The following PPP1R9A variants were observed in gnomAD, a reference collection of about 807,000 sequenced individuals.
PPP1R9A encodes protein phosphatase 1 regulatory subunit 9A.
Under a neutral mutation model 141.9 loss-of-function variants are expected in PPP1R9A, and 59 were observed. The observed-to-expected ratio is 0.42, with a 90% confidence interval of 0.34 to 0.52. The LOEUF is 0.52. PPP1R9A is among the 20% of genes least tolerant of loss of function. The pLI is 0.10. For missense variants in PPP1R9A, 1,444 were observed against 1,611.9 expected (o/e 0.90, Z 1.78); for synonymous variants, 500 against 569.7 (o/e 0.88, Z 1.74).
intron 8 of PPP1R9A, among the ~76,000 whole-genome samples, chr7:95,236,453 C>T (rs948739817): frequency 2.6e-5 from 4 of 151,752 alleles, no homozygotes; most frequent in Middle Eastern, 6.8e-3. Context: ...TTCAGGGGGA[C>T]GATTTTGGTA....
chr7:95,065,112 C>G (rs766382337), intron 2 of PPP1R9A, among the ~76,000 whole-genome samples: 5 of 152,102 alleles, frequency 3.3e-5, no homozygotes, highest in Non-Finnish European at 5.9e-5. Flanking sequence ...GTCACTGAGG[C>G]TAGAGTGCAG....
chr7:95,128,607 G>A (rs1181539499), intron 4 of PPP1R9A, among the ~76,000 whole-genome samples: 7 of 151,920 alleles, frequency 4.6e-5, no homozygotes, highest in Admixed American at 1.3e-4. Flanking sequence ...ATGGAGTTTC[G>A]CTTTTGTTGC....
intron 12 of PPP1R9A, among the ~76,000 whole-genome samples, chr7:95,261,818 A>G (rs556312886): frequency 6.6e-6 from 1 of 152,328 alleles, no homozygotes; most frequent in South Asian, 2.1e-4. Flanking sequence ...AGTCTTTGCA[A>G]GTACTTAAAA....
intron 2 of PPP1R9A, among the ~76,000 whole-genome samples, chr7:95,006,878 G>C (rs1361116054): frequency 7.7e-6 from 1 of 129,562 alleles, no homozygotes; most frequent in East Asian, 2.2e-4. Flanking sequence ...TTTTTTTTTT[G>C]AGAGACGGAG....
chr7:95,045,463 T>A (rs1809873494), intron 2 of PPP1R9A, among the ~76,000 whole-genome samples: 1 of 152,172 alleles, frequency 6.6e-6, no homozygotes, highest in South Asian at 2.1e-4. Context: ...GCATGCGCAG[T>A]GTGTTTAAGA....
intron 2 of PPP1R9A, among the ~76,000 whole-genome samples, chr7:95,029,449 C>T (rs1200148795): frequency 6.6e-6 from 1 of 152,096 alleles, no homozygotes; most frequent in Non-Finnish European, 1.5e-5. Flanking sequence ...ATAATTGATT[C>T]CAGGCAATAG....
chr7:95,043,756 G>C (rs763692508), intron 2 of PPP1R9A, among the ~76,000 whole-genome samples: 1 of 152,154 alleles, frequency 6.6e-6, no homozygotes, highest in African/African-American at 2.4e-5. Flanking sequence ...ACCGGGCCCA[G>C]ATAGTCACTA....
At chr7:95,179,249 A>C (rs1322872577) in intron 5 of PPP1R9A, among the ~76,000 whole-genome samples, 1 of 152,204 alleles carries the variant, frequency 6.6e-6, no homozygotes, top group Non-Finnish European at 1.5e-5. Context: ...GATACACTAC[A>C]TAAACAGAAT....
chr7:95,295,628 A>G lies in PPP1R9A; in HGVS notation c.*5325A>G, dbSNP rs1385081146. The G allele has an allele frequency of 6.6e-6, 1 of 152,220 alleles. No homozygotes were observed. Among genetic ancestry groups the G allele is most frequent in the East Asian group, 1.9e-4 (1 of 5,194 alleles). 9.4% of individuals were successfully genotyped at this position (152,220 alleles called of 1,614,324 possible). On this transcript the variant is annotated 3_prime_UTR_variant, in exon 20 of 20. Transcript: ENST00000433360. The stretch of plus-strand genomic sequence containing the variant: ...TTTGGTTGTTGCCAAAAACAACACA[A>G]GTGGTTGGGAGTGTATGTTGTTGGA...
At chr7:95,151,524 G>C (rs974833024) in intron 4 of PPP1R9A, among the ~76,000 whole-genome samples, 2 of 152,074 alleles carry the variant, frequency 1.3e-5, no homozygotes, top group African/African-American at 4.8e-5. Context: ...AAACCATTCT[G>C]TATGATACTA....
At chr7:95,228,396 C>A (rs1795443373) in intron 8 of PPP1R9A, among the ~76,000 whole-genome samples, 1 of 152,052 alleles carries the variant, frequency 6.6e-6, no homozygotes, top group Non-Finnish European at 1.5e-5. Flanking sequence ...AGACATGTAC[C>A]CAATTTAATG....
At chr7:95,188,630 A>G (rs1033167475) in intron 5 of PPP1R9A, among the ~76,000 whole-genome samples, 3 of 138,288 alleles carry the variant, frequency 2.2e-5, no homozygotes, top group Non-Finnish European at 4.6e-5. Context: ...ACAGAATCTC[A>G]CTCTGTTGCC....
intron 8 of PPP1R9A, among the ~76,000 whole-genome samples, chr7:95,245,951 A>C (rs1426322384): frequency 1.3e-5 from 2 of 152,178 alleles, no homozygotes; most frequent in African/African-American, 4.8e-5. Context: ...AAGCAGTGTG[A>C]GTGCGGCAGA....
chr7:95,040,538 G>A (rs546697669), intron 2 of PPP1R9A, among the ~76,000 whole-genome samples: 2 of 152,136 alleles, frequency 1.3e-5, no homozygotes, highest in African/African-American at 2.4e-5. Context: ...ATGTACTCCT[G>A]TTGCCCACAG....
chr7:95,173,519 T>A (rs1173905448), intron 5 of PPP1R9A, among the ~76,000 whole-genome samples: 1 of 151,858 alleles, frequency 6.6e-6, no homozygotes, highest in Non-Finnish European at 1.5e-5. Flanking sequence ...ATAAACTGCG[T>A]CAAAATTTAA....
rs950844749 is a variant in PPP1R9A, at chr7:95,118,837, C to T, written c.1529-1875C>T. ...AAAAAAAAAAAAACACAAAAAATTACCCAGATGTGGTGGCACATGGCTATA... is the reference window on the plus strand; with the variant it reads ...AAAAAAAAAAAAACACAAAAAATTATCCAGATGTGGTGGCACATGGCTATA... On this transcript the variant is annotated intron_variant, in intron 3 of 19. Transcript: ENST00000433360. 4.0e-5 allele frequency among the ~76,000 whole-genome samples: 6 copies of T among 149,634 alleles called. No individual in the cohort carries two copies. In the East Asian group the frequency reaches 1.2e-3, roughly 29 times the overall value.
At chr7:95,001,660 A>G (rs1025607236) in intron 2 of PPP1R9A, among the ~76,000 whole-genome samples, 2 of 151,992 alleles carry the variant, frequency 1.3e-5, no homozygotes, top group Admixed American at 6.6e-5. Context: ...CCAACCAGTT[A>G]TTTTTCATTT....
intron 8 of PPP1R9A, among the ~76,000 whole-genome samples, chr7:95,235,168 G>A (rs1262756133): frequency 6.6e-6 from 1 of 152,108 alleles, no homozygotes; most frequent in Non-Finnish European, 1.5e-5. Flanking sequence ...AAATAGATGG[G>A]ACGTAATTAA....
chr7:95,269,148 T>TA, intron 13 of PPP1R9A, 59 bp from the exon 14 acceptor site: 1 of 1,425,784 alleles, frequency 7.0e-7, no homozygotes, highest in Non-Finnish European at 9.5e-7. Context: ...TCAAAGTAAG[T>TA]ATTGCATAGA....
Sources: gnomAD v4.1 joint callset for allele counts (sites outside exome capture counted in the v4.1 genomes callset) on GRCh38, gnomAD v4.1.1 for gene constraint, MANE v1.5 for transcripts, NCBI Gene and HGNC (gene_info 2026-07-23, HGNC 2026-07-21) for gene names.